Variants in ALCAM observed in about 807,000 individuals in gnomAD.
ALCAM encodes CD166 antigen.
In ALCAM, 30 loss-of-function variants were observed where a neutral mutation model predicts 70.9. The observed-to-expected ratio is 0.42, with a 90% CI of 0.32 to 0.57. The LOEUF is 0.57. ALCAM is among the 20% of genes least tolerant of loss of function. ALCAM has a pLI of 0.11. For synonymous variants in ALCAM, 249 were observed against 242.5 expected, an observed-to-expected ratio of 1.03 and a Z score of -0.25; for missense variants, 591 against 695.1, an observed-to-expected ratio of 0.85 and a Z score of 1.68.
rs529207420 is a variant in ALCAM, at chr3:105,381,011, T to A, written c.73+13530T>A. Reference sequence around the variant, plus strand: ...CCAAATTGTTTAGTTTTGAAACCTGTGTCTCCTTTCTCCAGTTTCCCAGTT... The same window carrying A: ...CCAAATTGTTTAGTTTTGAAACCTGAGTCTCCTTTCTCCAGTTTCCCAGTT... On this transcript the variant is annotated intron_variant, in intron 1 of 15. Transcript: ENST00000306107. Among the ~76,000 whole-genome samples, 227 of 152,060 alleles carry A rather than the reference T, an allele frequency of 1.5e-3. 1 individual carries two copies. The highest frequency in any genetic ancestry group is 5.2e-3 in the African/African-American group (216 of 41,540).
chr3:105,447,078 C>T (rs1937318425), intron 1 of ALCAM, among the ~76,000 whole-genome samples: 2 of 152,032 alleles, frequency 1.3e-5, no homozygotes, highest in Non-Finnish European at 2.9e-5. Context: ...ATCTGATTTT[C>T]GCACAATGTA....
At chr3:105,467,457 A>G (rs971042421) in intron 1 of ALCAM, among the ~76,000 whole-genome samples, 9 of 151,232 alleles carry the variant, frequency 6.0e-5, no homozygotes, top group Non-Finnish European at 1.2e-4. Context: ...AGCCTCACTC[A>G]TGGAGAATGT....
intron 1 of ALCAM, among the ~76,000 whole-genome samples, chr3:105,448,904 G>C (rs1937357972): frequency 6.6e-6 from 1 of 152,134 alleles, no homozygotes; most frequent in South Asian, 2.1e-4. Context: ...GTCAACAATG[G>C]GGGCAGGGCT....
intron 1 of ALCAM, among the ~76,000 whole-genome samples, chr3:105,452,605 G>A (rs1937455706): frequency 6.6e-6 from 1 of 152,128 alleles, no homozygotes; most frequent in African/African-American, 2.4e-5. Flanking sequence ...TGGGATTGCT[G>A]GGTCAAATGA....
intron 14 of ALCAM, among the ~76,000 whole-genome samples, chr3:105,558,676 A>C (rs1172253249): frequency 1.3e-5 from 2 of 152,152 alleles, no homozygotes; most frequent in Non-Finnish European, 2.9e-5. Flanking sequence ...AGCCCTTTAA[A>C]CGCACTGCGC....
At chr3:105,468,722 T>A (rs1001366749) in intron 1 of ALCAM, among the ~76,000 whole-genome samples, 2 of 151,326 alleles carry the variant, frequency 1.3e-5, no homozygotes, top group African/African-American at 4.8e-5. Context: ...AATGTCCAGT[T>A]CAGTTCAGTT....
At chr3:105,507,352 A>G (rs1342266397) in intron 1 of ALCAM, among the ~76,000 whole-genome samples, 1 of 152,196 alleles carries the variant, frequency 6.6e-6, no homozygotes, top group Non-Finnish European at 1.5e-5. Flanking sequence ...CAAACACTTA[A>G]TAATGTTTAT....
intron 1 of ALCAM, among the ~76,000 whole-genome samples, chr3:105,383,530 A>G (rs1935579012): frequency 6.6e-6 from 1 of 151,824 alleles, no homozygotes; most frequent in Non-Finnish European, 1.5e-5. Context: ...AATAAGAAAT[A>G]TCTACATTGA....
intron 1 of ALCAM, among the ~76,000 whole-genome samples, chr3:105,473,531 C>T (rs1256033702): frequency 6.6e-6 from 1 of 151,532 alleles, no homozygotes; most frequent in African/African-American, 2.4e-5. Flanking sequence ...CAGCTATCTG[C>T]ATACCCTAGG....
At chr3:105,484,916 G>A (rs1333005406) in intron 1 of ALCAM, among the ~76,000 whole-genome samples, 4 of 152,042 alleles carry the variant, frequency 2.6e-5, no homozygotes, top group African/African-American at 9.7e-5. Context: ...TGAGCCCATA[G>A]ACAAAATTAA....
chr3:105,551,152 G>A (rs1195637576), intron 12 of ALCAM, among the ~76,000 whole-genome samples: 1 of 151,474 alleles, frequency 6.6e-6, no homozygotes, highest in African/African-American at 2.4e-5. Flanking sequence ...AAAAAATAAT[G>A]GTCCCTCACA....
At chr3:105,421,286 TGAG>T (rs1936645975) in intron 1 of ALCAM, among the ~76,000 whole-genome samples, 2 of 151,330 alleles carry the variant, frequency 1.3e-5, no homozygotes, top group African/African-American at 4.8e-5. Flanking sequence ...CATATAGAAA[TGAG>T]GAGATAAATT....
intron 1 of ALCAM, among the ~76,000 whole-genome samples, chr3:105,429,685 A>C (rs1936879150): frequency 6.6e-6 from 1 of 151,980 alleles, no homozygotes; most frequent in African/African-American, 2.4e-5. Flanking sequence ...ATGAACACCA[A>C]TTGATTATGT....
intron 1 of ALCAM, among the ~76,000 whole-genome samples, chr3:105,483,850 AT>A (rs1938346129): frequency 6.6e-6 from 1 of 152,096 alleles, no homozygotes; most frequent in Non-Finnish European, 1.5e-5. Context: ...ATAATGAACA[AT>A]TTTTATCAGA....
intron 14 of ALCAM, among the ~76,000 whole-genome samples, chr3:105,563,180 T>G (rs1342526197): frequency 2.7e-5 from 4 of 150,746 alleles, no homozygotes; most frequent in Non-Finnish European, 5.9e-5. Context: ...TTTATCCATT[T>G]CATTTAAATT....
chr3:105,392,415 A>C (rs547009137), intron 1 of ALCAM, among the ~76,000 whole-genome samples: 41 of 151,042 alleles, frequency 2.7e-4, no homozygotes, highest in African/African-American at 8.7e-4. Flanking sequence ...TTCAGTGGTG[A>C]TATCTCCTTT....
rs567178899 is a variant in ALCAM, at chr3:105,541,525, A to C, written c.859-108A>C. On this transcript the variant is annotated intron_variant, in intron 7 of 15. Transcript: ENST00000306107. ...TCTTTTTGTGTGATCAATGAAACAC[A>C]TTCCCTTTTTTATCTTACTTGATAA... The C allele has an allele frequency of 5.8e-6, 7 of 1,205,310 alleles. No individual in the cohort carries two copies. The East Asian group carries it at 1.8e-4, about 31-fold the overall frequency. 74.7% of individuals were successfully genotyped at this position (1,205,310 alleles called of 1,614,324 possible). A position where few individuals can be genotyped will look rare whatever the true frequency, so the allele number is the denominator to read the frequency against.
chr3:105,460,856 C>T (rs1196513744), intron 1 of ALCAM, among the ~76,000 whole-genome samples: 1 of 151,858 alleles, frequency 6.6e-6, no homozygotes, highest in Non-Finnish European at 1.5e-5. Context: ...TCATTGATTA[C>T]TACTTTACTG....
At chr3:105,420,890 A>C (rs1464557969) in intron 1 of ALCAM, among the ~76,000 whole-genome samples, 2 of 151,554 alleles carry the variant, frequency 1.3e-5, no homozygotes, top group Non-Finnish European at 3.0e-5. Flanking sequence ...GAAAGTAAAA[A>C]GAGGGAGATT....
Sources: allele counts gnomAD v4.1 joint callset (sites outside exome capture counted in the v4.1 genomes callset), GRCh38; gene constraint gnomAD v4.1.1; transcripts MANE v1.5; gene names NCBI Gene and HGNC (gene_info 2026-07-23, HGNC 2026-07-21).